The following PLXNA4 variants were observed in gnomAD, a reference collection of about 807,000 sequenced individuals.
PLXNA4 encodes plexin A4.
Under a neutral mutation model 191.8 loss-of-function variants are expected in PLXNA4, and 44 were observed. The ratio of observed to expected loss-of-function variants is 0.23; its 90% CI spans 0.18 to 0.29. The LOEUF is 0.29. PLXNA4 is among the 10% of genes least tolerant of loss of function. PLXNA4 has a pLI of 1.00. For missense variants in PLXNA4, 1,800 were observed against 2,488.8 expected (o/e 0.72, Z 5.89); for synonymous variants, 1,082 against 1,009.5 (o/e 1.07, Z -1.36).
intron 3 of PLXNA4, among the ~76,000 whole-genome samples, chr7:132,453,472 AC>A (rs1796202301): frequency 6.6e-6 from 1 of 151,990 alleles, no homozygotes; most frequent in Admixed American, 6.6e-5. Context: ...ATCCCGATTA[AC>A]CTTCAGGTCT....
chr7:132,442,482 A>T (rs1795731884), intron 3 of PLXNA4, among the ~76,000 whole-genome samples: 1 of 152,180 alleles, frequency 6.6e-6, no homozygotes, highest in African/African-American at 2.4e-5. Flanking sequence ...CAAGATTCTT[A>T]CTTTTCTCGA....
intron 4 of PLXNA4, among the ~76,000 whole-genome samples, chr7:132,297,057 T>A (rs1010711190): frequency 9.2e-5 from 14 of 152,028 alleles, no homozygotes; most frequent in Admixed American, 5.2e-4. Context: ...GCCCCGTGGG[T>A]GGCATAATGT....
intron 1 of PLXNA4, among the ~76,000 whole-genome samples, chr7:132,546,671 C>T (rs1203630367): frequency 6.6e-6 from 1 of 152,134 alleles, no homozygotes; most frequent in Admixed American, 6.5e-5. Context: ...GAAACAAATG[C>T]CCCACTAGTG....
intron 3 of PLXNA4, among the ~76,000 whole-genome samples, chr7:132,388,325 G>A (rs1805245661): frequency 6.6e-6 from 1 of 151,998 alleles, no homozygotes; most frequent in Admixed American, 6.5e-5. Flanking sequence ...ACAGAGCTGG[G>A]GAGACCCTGG....
chr7:132,146,900 T>C (rs1795452306), intron 27 of PLXNA4, among the ~76,000 whole-genome samples, 200 bp from the exon 28 acceptor site: 2 of 152,232 alleles, frequency 1.3e-5, no homozygotes, highest in Admixed American at 1.3e-4. Flanking sequence ...AAACTATCTG[T>C]GGCTAATTCT....
chr7:132,628,163 A>T (rs1224543022), intron 2 of PLXNA4, among the ~76,000 whole-genome samples: 1 of 152,170 alleles, frequency 6.6e-6, no homozygotes, highest in Non-Finnish European at 1.5e-5. Context: ...GCCTTCCTAA[A>T]AATTTATTCT....
intron 29 of PLXNA4, among the ~76,000 whole-genome samples, chr7:132,141,727 CTTTCTTTCTT>C (rs897740522): frequency 1.1e-4 from 17 of 151,928 alleles, no homozygotes; most frequent in Non-Finnish European, 1.9e-4. Context: ...CTTTCCTTTC[CTTTCTTTCTT>C]TTTCTTTCTT....
intron 27 of PLXNA4, among the ~76,000 whole-genome samples, chr7:132,146,994 C>A (rs956331840): frequency 6.6e-6 from 1 of 152,154 alleles, no homozygotes; most frequent in South Asian, 2.1e-4. Context: ...TAAGCCTGTA[C>A]TTTTTTAATG....
At chr7:132,402,710 G>A (rs1007266843) in intron 3 of PLXNA4, among the ~76,000 whole-genome samples, 2 of 152,168 alleles carry the variant, frequency 1.3e-5, no homozygotes, top group African/African-American at 4.8e-5. Flanking sequence ...TCAGTCCATC[G>A]GATCAATCAG....
intron 4 of PLXNA4, among the ~76,000 whole-genome samples, chr7:132,274,140 A>T (rs933729780): frequency 6.6e-6 from 1 of 152,150 alleles, no homozygotes; most frequent in Non-Finnish European, 1.5e-5. Context: ...TGGTGACAGA[A>T]TACAGGTCAG....
chr7:132,612,633 C>T (rs1324516094), intron 2 of PLXNA4, among the ~76,000 whole-genome samples: 3 of 143,364 alleles, frequency 2.1e-5, no homozygotes, highest in African/African-American at 7.9e-5. Flanking sequence ...CACTGTACTC[C>T]AGCCTGGGCA....
rs180784564 is a variant in PLXNA4, at chr7:132,602,485, C to A, written c.-87+43443G>T. ...GTTATGGGGAGTTTCTCAGAGTGTT[C>A]TGCTCAAAATCAACTTCAAAATCAC... On this transcript the variant is annotated intron_variant, in intron 2 of 4. Transcript: ENST00000378539. 6.6e-5 allele frequency among the ~76,000 whole-genome samples: 10 copies of A among 152,262 alleles called. 1 individual carries two copies. In the East Asian group the frequency reaches 1.4e-3, roughly 21 times the overall value.
chr7:132,255,896 T>C (rs775027494), intron 4 of PLXNA4, among the ~76,000 whole-genome samples: 1 of 152,212 alleles, frequency 6.6e-6, no homozygotes, highest in African/African-American at 2.4e-5. Flanking sequence ...CCTGGAAAAG[T>C]TAAGAAAAGA....
At chr7:132,359,209 C>CT (rs57415453) in intron 3 of PLXNA4, among the ~76,000 whole-genome samples, 1,807 of 110,900 alleles carry the variant, frequency 0.016, 41 homozygotes, top group East Asian at 0.045. Context: ...GTCAAGGCTG[C>CT]TTTTTTTTTT....
intron 4 of PLXNA4, among the ~76,000 whole-genome samples, chr7:132,276,735 G>A (rs1800295563): frequency 6.6e-6 from 1 of 152,192 alleles, no homozygotes; most frequent in Non-Finnish European, 1.5e-5. Context: ...TGGAGAGGAA[G>A]AAAAGACTGA....
intron 3 of PLXNA4, chr7:132,385,291 G>T: frequency 1.2e-6 from 2 of 1,611,792 alleles, no homozygotes; most frequent in Non-Finnish European, 1.7e-6. Context: ...GCTGGTACCA[G>T]GCATCTGGAA....
At chr7:132,206,463 TGTGTGTGTGC>T (rs1010299213) in intron 10 of PLXNA4, among the ~76,000 whole-genome samples, 9 of 144,656 alleles carry the variant, frequency 6.2e-5, no homozygotes, top group African/African-American at 2.3e-4. Flanking sequence ...TGTGTGTGTG[TGTGTGTGTGC>T]GCATGTGTGC....
intron 21 of PLXNA4, among the ~76,000 whole-genome samples, chr7:132,173,148 CTT>C (rs1027143416): frequency 4.6e-5 from 7 of 152,166 alleles, no homozygotes; most frequent in African/African-American, 1.7e-4. Flanking sequence ...TCTTGTCCCT[CTT>C]GTGTCTCACT....
intron 3 of PLXNA4, among the ~76,000 whole-genome samples, chr7:132,323,278 CGAAGG>C (rs1802246314): frequency 1.3e-5 from 2 of 152,132 alleles, no homozygotes; most frequent in East Asian, 3.9e-4. Flanking sequence ...CACAGGAAAC[CGAAGG>C]ATTGAGAGAC....
Sources: gnomAD v4.1 joint callset for allele counts (sites outside exome capture counted in the v4.1 genomes callset) on GRCh38, gnomAD v4.1.1 for gene constraint, MANE v1.5 for transcripts, NCBI Gene and HGNC (gene_info 2026-07-23, HGNC 2026-07-21) for gene names.